The following THRB variants were observed in gnomAD, a reference collection of about 807,000 sequenced individuals.
The protein encoded by THRB is nuclear receptor subfamily 1 group A member 2.
Under a neutral mutation model 47.8 loss-of-function variants are expected in THRB, and 12 were observed. That is an observed-to-expected ratio of 0.25 (90% CI 0.16 to 0.41). The LOEUF (loss-of-function observed/expected upper bound fraction) is 0.41. THRB is among the 10% of genes least tolerant of loss of function. The pLI is 1.00. For missense variants in THRB, 348 were observed against 589.2 expected (o/e 0.59, Z 4.24); for synonymous variants, 218 against 212.2 (o/e 1.03, Z -0.24).
chr3:24,284,539 A>C (rs2055025287), intron 3 of THRB, among the ~76,000 whole-genome samples: 1 of 151,952 alleles, frequency 6.6e-6, no homozygotes, highest in Non-Finnish European at 1.5e-5. Flanking sequence ...TTCATGTCTA[A>C]AACACCAAAA....
chr3:24,147,968 T>C (rs1228483801), intron 6 of THRB, among the ~76,000 whole-genome samples: 2 of 152,178 alleles, frequency 1.3e-5, no homozygotes, highest in African/African-American at 4.8e-5. Flanking sequence ...TCTTACTTGC[T>C]TAACTGCTTA....
At chr3:24,345,464 A>G (rs2062953391) in intron 1 of THRB, among the ~76,000 whole-genome samples, 1 of 152,284 alleles carries the variant, frequency 6.6e-6, no homozygotes, top group East Asian at 1.9e-4. Context: ...AACTGAAACA[A>G]CATAATAATA....
chr3:24,278,339 G>A (rs961822243), intron 3 of THRB, among the ~76,000 whole-genome samples: 2 of 152,194 alleles, frequency 1.3e-5, no homozygotes, highest in African/African-American at 4.8e-5. Context: ...TTTGAACAGT[G>A]TTAAAATTGG....
chr3:24,471,726 C>G (rs1012162548), intron 1 of THRB, among the ~76,000 whole-genome samples: 11 of 152,162 alleles, frequency 7.2e-5, no homozygotes, highest in African/African-American at 2.7e-4. Flanking sequence ...TGCTGCTAAT[C>G]CACAAAAACA....
chr3:24,283,863 C>A (rs1354701086), intron 3 of THRB, among the ~76,000 whole-genome samples: 2 of 150,560 alleles, frequency 1.3e-5, no homozygotes, highest in South Asian at 4.3e-4. Flanking sequence ...CCTAGGAATC[C>A]AACTTACAAG....
chr3:24,177,147 C>T (rs2041267325), intron 5 of THRB, among the ~76,000 whole-genome samples: 1 of 152,028 alleles, frequency 6.6e-6, no homozygotes, highest in Non-Finnish European at 1.5e-5. Flanking sequence ...ACTAAAAATA[C>T]CTATCAGCAA....
At chr3:24,196,892 A>C (rs2149680719) in intron 4 of THRB, among the ~76,000 whole-genome samples, 1 of 152,292 alleles carries the variant, frequency 6.6e-6, no homozygotes, top group Non-Finnish European at 1.5e-5. Context: ...TTTGATCCTT[A>C]CTCAACCTTC....
At chr3:24,136,839 G>A (rs1020555710) in intron 8 of THRB, among the ~76,000 whole-genome samples, 5 of 152,200 alleles carry the variant, frequency 3.3e-5, no homozygotes, top group Non-Finnish European at 5.9e-5. Context: ...TAGCCCAGCT[G>A]TCTGCTCTAT....
chr3:24,178,249 T>A (rs1188539677), intron 5 of THRB, among the ~76,000 whole-genome samples: 1 of 152,222 alleles, frequency 6.6e-6, no homozygotes, highest in Non-Finnish European at 1.5e-5. Flanking sequence ...CTGCATCATA[T>A]AATTAAATTC....
intron 1 of THRB, among the ~76,000 whole-genome samples, chr3:24,493,105 T>G (rs935301626): frequency 1.3e-5 from 2 of 152,210 alleles, no homozygotes; most frequent in Non-Finnish European, 2.9e-5. Flanking sequence ...GATTTCTGTT[T>G]GACTCAATTA....
chr3:24,334,090 T>C (rs986782858), intron 2 of THRB, among the ~76,000 whole-genome samples: 1 of 152,186 alleles, frequency 6.6e-6, no homozygotes, highest in African/African-American at 2.4e-5. Flanking sequence ...TACCTGACTT[T>C]TAAAATATAC....
intron 5 of THRB, among the ~76,000 whole-genome samples, chr3:24,174,679 G>A (rs2040898757): frequency 6.6e-6 from 1 of 152,160 alleles, no homozygotes; most frequent in African/African-American, 2.4e-5. Context: ...CTGGCCATTT[G>A]CAGTTTTGTT....
At chr3:24,408,083 G>C (rs1196126061) in intron 1 of THRB, among the ~76,000 whole-genome samples, 1 of 151,836 alleles carries the variant, frequency 6.6e-6, no homozygotes, top group Non-Finnish European at 1.5e-5. Flanking sequence ...CATTCTGTCA[G>C]ATTGAACAAC....
chr3:24,189,274 C>G (rs528086349), intron 5 of THRB, among the ~76,000 whole-genome samples: 5 of 151,956 alleles, frequency 3.3e-5, no homozygotes, highest in Non-Finnish European at 5.9e-5. Flanking sequence ...AATAGACCCC[C>G]CCTTTTCTTT....
chr3:24,228,865 A>G (rs532144488), intron 4 of THRB, 73 bp downstream of exon 4: 1 of 1,390,058 alleles, frequency 7.2e-7, no homozygotes, highest in East Asian at 2.3e-5. Flanking sequence ...GTTAATCTTT[A>G]AGAATCTATA....
chr3:24,293,741 G>A (rs952637534), intron 3 of THRB, among the ~76,000 whole-genome samples: 1 of 152,184 alleles, frequency 6.6e-6, no homozygotes, highest in Admixed American at 6.5e-5. Flanking sequence ...AGGGTAGGGA[G>A]GCTTAACTAA....
At chr3:24,276,240 T>A (rs2053902288) in intron 3 of THRB, among the ~76,000 whole-genome samples, 1 of 152,186 alleles carries the variant, frequency 6.6e-6, no homozygotes, top group Non-Finnish European at 1.5e-5. Flanking sequence ...GTATTCACAT[T>A]GTACAATTGG....
At chr3:24,465,185 T>A (rs906542056) in intron 1 of THRB, among the ~76,000 whole-genome samples, 5 of 152,228 alleles carry the variant, frequency 3.3e-5, no homozygotes, top group Non-Finnish European at 7.3e-5. Flanking sequence ...TCCTTAGTTT[T>A]GAATTATATT....
chr3:24,164,621 T>C (rs898511183), intron 5 of THRB, among the ~76,000 whole-genome samples: 1 of 152,166 alleles, frequency 6.6e-6, no homozygotes, highest in Non-Finnish European at 1.5e-5. Flanking sequence ...ACTTTCAAAA[T>C]GAAGTGCCAA....
Sources: allele counts gnomAD v4.1 joint callset (sites outside exome capture counted in the v4.1 genomes callset), GRCh38; gene constraint gnomAD v4.1.1; transcripts MANE v1.5; gene names NCBI Gene and HGNC (gene_info 2026-07-23, HGNC 2026-07-21).